LPP: variants seen among roughly 807,000 people sequenced by gnomAD.
LPP encodes lipoma-preferred partner.
LPP carries 38 observed loss-of-function variants against 60.4 expected under a neutral mutation model. That is an observed-to-expected ratio of 0.63 (90% CI 0.49 to 0.83). The LOEUF is 0.83. Ranked by LOEUF, LPP falls within the 40% of genes least tolerant of loss-of-function variation. The pLI, the probability that LPP is intolerant of heterozygous loss-of-function variation, is 0.00. For synonymous variants in LPP, 328 were observed against 290.8 expected, an observed-to-expected ratio of 1.13 and a Z score of -1.30; for missense variants, 902 against 783.6, an observed-to-expected ratio of 1.15 and a Z score of -1.80.
intron 7 of LPP, among the ~76,000 whole-genome samples, chr3:188,632,607 T>A (rs1848039032): frequency 6.6e-6 from 1 of 152,222 alleles, no homozygotes; most frequent in South Asian, 2.1e-4. Context: ...GCTGAGAACA[T>A]CCAGTCACAT....
chr3:188,203,409 A>AAT lies in LPP; in HGVS notation c.-189-21986_-189-21985dup, dbSNP rs1439333749. ...TTATATATTAATATATATTTTTATAAATATATATATAATATAAATATAAAT... is the reference window on the plus strand; with the variant it reads ...TTATATATTAATATATATTTTTATAAATATATATATATAATATAAATATAAAT... On this transcript the variant is annotated intron_variant, in intron 1 of 11. Transcript: ENST00000617246. Among the ~76,000 whole-genome samples, 9 of 53,222 alleles carry AAT rather than the reference A, an allele frequency of 1.7e-4. 1 individual carries two copies. Among genetic ancestry groups the AAT allele is most frequent in the African/African-American group, 2.1e-4 (4 of 19,168 alleles). 34.9% of individuals were successfully genotyped at this position (53,222 alleles called of 152,430 possible).
chr3:188,220,094 A>C (rs1006003962), intron 1 of LPP, among the ~76,000 whole-genome samples: 1 of 152,182 alleles, frequency 6.6e-6, no homozygotes, highest in African/African-American at 2.4e-5. Context: ...CTGTCAGTTA[A>C]CTTGCTTGAG....
At chr3:188,156,429 A>G (rs371527968) in intron 1 of LPP, among the ~76,000 whole-genome samples, 21 of 152,158 alleles carry the variant, frequency 1.4e-4, no homozygotes, top group African/African-American at 5.1e-4. Flanking sequence ...TATATCTTAA[A>G]TTCATCATTT....
At chr3:188,827,168 A>G (rs1755775761) in intron 9 of LPP, among the ~76,000 whole-genome samples, 1 of 152,158 alleles carries the variant, frequency 6.6e-6, no homozygotes, top group African/African-American at 2.4e-5. Flanking sequence ...CTCTCAGGTC[A>G]TCTTCATTTT....
intron 5 of LPP, among the ~76,000 whole-genome samples, chr3:188,492,358 A>G (rs1808628469): frequency 6.6e-6 from 1 of 151,892 alleles, no homozygotes; most frequent in Non-Finnish European, 1.5e-5. Context: ...TGTTTTTTTT[A>G]TTTTAACTTA....
In LPP at chr3:188,609,836, C is replaced by G. The variant is rs1347416825; in HGVS notation, c.1105C>G (p.Gln369Glu). The G allele has an allele frequency of 1.2e-6, 2 of 1,608,886 alleles. No homozygotes were observed. Among genetic ancestry groups the G allele is most frequent in the African/African-American group, 2.7e-5 (2 of 74,816 alleles). Residue 369 changes from glutamine (Q) to glutamate (E), a missense_variant, in exon 7 of 12, where the codon CAG becomes GAG. Coordinates refer to ENST00000617246, the MANE Select transcript of LPP (RefSeq NM_001375462.1). This position sits in a 1 kb window ranked among gnomAD's most constrained non-coding sequence, Gnocchi z 6.9. ...PVSAPCAPPL[Q>E]PKGGHSGQLG... is the part of the protein sequence containing the mutation. ...TTCAGCCCCCTGTGCGCCACCATTG[C>G]AGCCAAAGGTAAGAAACTCAGTAAC...
intron 10 of LPP, among the ~76,000 whole-genome samples, chr3:188,870,046 A>C (rs1470674682): frequency 6.6e-6 from 1 of 152,144 alleles, no homozygotes; most frequent in East Asian, 1.9e-4. Flanking sequence ...TCTCAAGTTT[A>C]GATTTACATC....
intron 9 of LPP, among the ~76,000 whole-genome samples, chr3:188,856,141 C>G (rs1332785648): frequency 6.6e-6 from 1 of 152,166 alleles, no homozygotes; most frequent in African/African-American, 2.4e-5. Flanking sequence ...CCAAGTATAA[C>G]TGCCGCAAAC....
chr3:188,814,669 T>C (rs1315815108), intron 9 of LPP, among the ~76,000 whole-genome samples: 1 of 152,236 alleles, frequency 6.6e-6, no homozygotes, highest in Non-Finnish European at 1.5e-5. Flanking sequence ...GAGACTTATT[T>C]GTAAATGGAT....
chr3:188,663,558 C>T (rs537113620), intron 7 of LPP, among the ~76,000 whole-genome samples: 18 of 152,254 alleles, frequency 1.2e-4, no homozygotes, highest in East Asian at 1.9e-4. Flanking sequence ...CTATTAAATT[C>T]GGTCTGTATA....
intron 9 of LPP, among the ~76,000 whole-genome samples, chr3:188,854,178 G>C (rs1427971011): frequency 6.6e-6 from 1 of 152,128 alleles, no homozygotes; most frequent in African/African-American, 2.4e-5. Flanking sequence ...CTGCCTCTTT[G>C]TCTTTAAGCA....
chr3:188,245,187 A>C, intron 2 of LPP, among the ~76,000 whole-genome samples: 1 of 151,412 alleles, frequency 6.6e-6, no homozygotes, highest in African/African-American at 2.4e-5. Flanking sequence ...ATCTTGGCTC[A>C]CTGCAACCTC....
intron 7 of LPP, among the ~76,000 whole-genome samples, chr3:188,697,496 T>G (rs1475641800): frequency 6.6e-6 from 1 of 152,182 alleles, no homozygotes. Flanking sequence ...TAGGAAAGTG[T>G]TTTTATGCAT....
chr3:188,852,809 G>T (rs908926869), intron 9 of LPP, among the ~76,000 whole-genome samples: 4 of 152,106 alleles, frequency 2.6e-5, no homozygotes, highest in Non-Finnish European at 5.9e-5. Flanking sequence ...GGACTTCAAA[G>T]GTATGTATTT....
At chr3:188,586,899 T>C (rs944823613) in intron 6 of LPP, among the ~76,000 whole-genome samples, 3 of 152,030 alleles carry the variant, frequency 2.0e-5, no homozygotes, top group Non-Finnish European at 4.4e-5. Context: ...AGCTAATTTT[T>C]GTATTTTTTA....
At chr3:188,460,290 G>C (rs966087616) in intron 4 of LPP, among the ~76,000 whole-genome samples, 1 of 152,192 alleles carries the variant, frequency 6.6e-6, no homozygotes, top group Admixed American at 6.5e-5. Context: ...TGTGTGCCTT[G>C]AGAATGGGAC....
At chr3:188,501,324 C>T (rs1811782122) in intron 5 of LPP, among the ~76,000 whole-genome samples, 1 of 152,090 alleles carries the variant, frequency 6.6e-6, no homozygotes, top group African/African-American at 2.4e-5. Flanking sequence ...TGTTAAAGAG[C>T]ATATTATTGG....
chr3:188,485,360 G>A (rs577097911), intron 5 of LPP, among the ~76,000 whole-genome samples: 3 of 152,312 alleles, frequency 2.0e-5, no homozygotes, highest in South Asian at 4.1e-4. Flanking sequence ...TTAAGCTGAA[G>A]AAGTGCTTTA....
At chr3:188,851,329 C>G (rs1762628186) in intron 9 of LPP, among the ~76,000 whole-genome samples, 1 of 152,150 alleles carries the variant, frequency 6.6e-6, no homozygotes, top group African/African-American at 2.4e-5. Flanking sequence ...ATTAAAAAAG[C>G]TACTGTCTTT....
Sources: allele counts gnomAD v4.1 joint callset (sites outside exome capture counted in the v4.1 genomes callset), GRCh38; gene constraint gnomAD v4.1.1; non-coding constraint Gnocchi (gnomAD v3.1); transcripts MANE v1.5; gene names NCBI Gene and HGNC (gene_info 2026-07-23, HGNC 2026-07-21).